Variants in RBFOX1 observed in about 807,000 individuals in gnomAD.
RBFOX1 encodes the protein RNA binding protein fox-1 homolog 1.
Under a neutral mutation model 57.7 loss-of-function variants are expected in RBFOX1, and 8 were observed. The observed-to-expected ratio is 0.14, with a 90% CI of 0.08 to 0.25. RBFOX1 has a LOEUF of 0.25. Ranked by LOEUF, RBFOX1 falls within the 10% of genes least tolerant of loss-of-function variation. RBFOX1 has a pLI of 1.00. For missense variants in RBFOX1, 611 were observed against 548.5 expected (o/e 1.11, Z -1.14); for synonymous variants, 326 against 222.4 (o/e 1.47, Z -4.15).
chr16:5,721,493 C>T (rs189357933), intron 3 of RBFOX1, among the ~76,000 whole-genome samples: 36 of 152,258 alleles, frequency 2.4e-4, no homozygotes, highest in African/African-American at 7.9e-4. Context: ...CTTGACCCTC[C>T]AGTGTAATGT....
chr16:7,345,065 G>C (rs2096969043), intron 4 of RBFOX1, among the ~76,000 whole-genome samples: 1 of 151,954 alleles, frequency 6.6e-6, no homozygotes, highest in Non-Finnish European at 1.5e-5. Flanking sequence ...TGCTGGGACT[G>C]GGTCTTGTGG....
chr16:6,037,415 T>C (rs1011886628), intron 1 of RBFOX1: 2 of 152,088 alleles, frequency 1.3e-5, no homozygotes, highest in African/African-American at 4.8e-5. Context: ...CATTTAATTG[T>C]AGTCCTTAGT....
intron 1 of RBFOX1, among the ~76,000 whole-genome samples, chr16:5,435,668 G>T (rs938172329): frequency 2.6e-5 from 4 of 152,154 alleles, no homozygotes; most frequent in Non-Finnish European, 5.9e-5. Context: ...CAGGGAATTT[G>T]GGAAGTCAGG....
chr16:5,704,321 G>C (rs187284757), intron 3 of RBFOX1, among the ~76,000 whole-genome samples: 2 of 152,038 alleles, frequency 1.3e-5, no homozygotes, highest in African/African-American at 4.8e-5. Flanking sequence ...ATCACTAGAA[G>C]GTAGAAATTA....
chr16:6,926,072 G>A (rs1483154194), intron 3 of RBFOX1, among the ~76,000 whole-genome samples: 2 of 152,026 alleles, frequency 1.3e-5, no homozygotes, highest in East Asian at 1.9e-4. Flanking sequence ...TTGGGAGGCC[G>A]AGGTGGGTTG....
chr16:7,120,508 C>A (rs906630635), intron 4 of RBFOX1, among the ~76,000 whole-genome samples: 1 of 151,766 alleles, frequency 6.6e-6, no homozygotes, highest in East Asian at 1.9e-4. Flanking sequence ...ATCAAATAAT[C>A]TATGCACATG....
chr16:5,453,747 C>T (rs2068498511), intron 1 of RBFOX1, among the ~76,000 whole-genome samples: 1 of 152,210 alleles, frequency 6.6e-6, no homozygotes, highest in Non-Finnish European at 1.5e-5. Context: ...AGTTAGAGAT[C>T]AGCTTTACTC....
At position 6,012,266 on chromosome 16, in the gene RBFOX1, C is replaced by G. The variant is rs146077495; in HGVS notation, c.351+144931C>G. On this transcript the variant is annotated intron_variant, in intron 4 of 19. Coordinates refer to the RBFOX1 transcript ENST00000641259. Reference sequence around the variant, plus strand: ...GTTGTTATGAGGACTCAATGAGAATCTGAATGGAGGTATAGACCTAGTGCC... The same window carrying G: ...GTTGTTATGAGGACTCAATGAGAATGTGAATGGAGGTATAGACCTAGTGCC... Among the ~76,000 whole-genome samples the G allele has an allele frequency of 4.4e-3, 663 of 152,288 alleles. 4 individuals carry two copies. Among genetic ancestry groups the G allele is most frequent in the African/African-American group, 0.015 (604 of 41,574 alleles).
chr16:5,912,389 G>A (rs745843579), intron 4 of RBFOX1, among the ~76,000 whole-genome samples: 7 of 152,154 alleles, frequency 4.6e-5, no homozygotes, highest in Admixed American at 4.6e-4. Context: ...AAGCTGAGCA[G>A]CTTTGCACTA....
intron 1 of RBFOX1, among the ~76,000 whole-genome samples, chr16:5,291,098 G>C (rs1201235346): frequency 6.6e-6 from 1 of 152,198 alleles, no homozygotes; most frequent in Non-Finnish European, 1.5e-5. Context: ...GCTAGGTCAT[G>C]TAGGGTCTCA....
chr16:6,789,809 C>G (rs2082597326), intron 3 of RBFOX1, among the ~76,000 whole-genome samples: 1 of 152,038 alleles, frequency 6.6e-6, no homozygotes, highest in Non-Finnish European at 1.5e-5. Context: ...TGTAATTTCT[C>G]ATTTTCTGTC....
At chr16:6,680,700 A>T (rs973140319) in intron 3 of RBFOX1, among the ~76,000 whole-genome samples, 1 of 152,186 alleles carries the variant, frequency 6.6e-6, no homozygotes, top group African/African-American at 2.4e-5. Flanking sequence ...ATATTTAATG[A>T]GACTTTAATC....
intron 2 of RBFOX1, among the ~76,000 whole-genome samples, chr16:6,612,223 C>G (rs1037791588): frequency 6.6e-6 from 1 of 152,036 alleles, no homozygotes; most frequent in Non-Finnish European, 1.5e-5. Context: ...TATAGAGAGT[C>G]CTAGTATACT....
chr16:5,663,659 T>A (rs1264821548), intron 3 of RBFOX1, among the ~76,000 whole-genome samples: 1 of 152,214 alleles, frequency 6.6e-6, no homozygotes, highest in Non-Finnish European at 1.5e-5. Flanking sequence ...AAGCCCCTAC[T>A]TGGTGTAAGG....
At chr16:6,908,431 C>T (rs928034756) in intron 3 of RBFOX1, among the ~76,000 whole-genome samples, 4 of 152,138 alleles carry the variant, frequency 2.6e-5, no homozygotes, top group Non-Finnish European at 5.9e-5. Flanking sequence ...TCCACTGATA[C>T]CTCTGGCCTC....
chr16:7,082,240 G>A (rs574090871), intron 4 of RBFOX1, among the ~76,000 whole-genome samples: 1 of 152,126 alleles, frequency 6.6e-6, no homozygotes, highest in South Asian at 2.1e-4. Context: ...AGGAGCTTCA[G>A]TTGTACAGAA....
intron 3 of RBFOX1, among the ~76,000 whole-genome samples, chr16:5,785,678 C>T (rs1202644858): frequency 1.3e-5 from 2 of 152,054 alleles, no homozygotes; most frequent in African/African-American, 4.8e-5. Context: ...CAGGCATGCA[C>T]CACCATACCC....
intron 4 of RBFOX1, among the ~76,000 whole-genome samples, chr16:5,873,454 G>T (rs2057529229): frequency 6.6e-6 from 1 of 152,204 alleles, no homozygotes; most frequent in Admixed American, 6.5e-5. Flanking sequence ...CGTCCTTGAA[G>T]CCAGCACCAA....
intron 3 of RBFOX1, among the ~76,000 whole-genome samples, chr16:5,666,480 C>G (rs751698368): frequency 6.6e-6 from 1 of 152,088 alleles, no homozygotes; most frequent in African/African-American, 2.4e-5. Context: ...ATCCTAGATC[C>G]CAGAAATAGA....
Sources: gnomAD v4.1 joint callset for allele counts (sites outside exome capture counted in the v4.1 genomes callset) on GRCh38, gnomAD v4.1.1 for gene constraint, MANE v1.5 for transcripts, NCBI Gene and HGNC (gene_info 2026-07-23, HGNC 2026-07-21) for gene names.